Variants in ABCA13 observed in about 807,000 individuals in gnomAD.
ABCA13 encodes the protein ATP binding cassette subfamily A member 13.
ABCA13 carries 476 observed loss-of-function variants against 478.7 expected under a neutral mutation model. That is an observed-to-expected ratio of 0.99 (90% CI 0.92 to 1.07). The LOEUF (loss-of-function observed/expected upper bound fraction) is 1.07, where lower values mean the gene tolerates loss of function less well. Ranked by LOEUF, ABCA13 falls within the 50% of genes least tolerant of loss-of-function variation. The probability of loss-of-function intolerance (pLI) is 0.00; values close to 1 mark genes in which losing one functional copy is unlikely to be tolerated. For missense variants in ABCA13, 6,060 were observed against 5,910.6 expected (o/e 1.03, Z -0.83); for synonymous variants, 2,252 against 2,158.9 (o/e 1.04, Z -1.20).
At chr7:48,345,090 A>G (rs1425645744) in intron 29 of ABCA13, among the ~76,000 whole-genome samples, 2 of 152,188 alleles carry the variant, frequency 1.3e-5, no homozygotes, top group African/African-American at 4.8e-5. Context: ...CCTACTGCCT[A>G]GTGACTTTGT....
chr7:48,568,048 C>T (rs1418427497), intron 55 of ABCA13, among the ~76,000 whole-genome samples: 1 of 152,060 alleles, frequency 6.6e-6, no homozygotes, highest in Non-Finnish European at 1.5e-5. Flanking sequence ...CACATACTAT[C>T]AAACTTATAA....
At chr7:48,199,684 G>T (rs768906224) in intron 3 of ABCA13, among the ~76,000 whole-genome samples, 1 of 152,184 alleles carries the variant, frequency 6.6e-6, no homozygotes, top group Non-Finnish European at 1.5e-5. Context: ...ACCCTGAAAA[G>T]TTCAATGGTC....
chr7:48,385,241 C>T (rs1034280152), intron 35 of ABCA13, among the ~76,000 whole-genome samples: 13 of 152,108 alleles, frequency 8.5e-5, no homozygotes, highest in Admixed American at 2.6e-4. Flanking sequence ...TTGTCACCCA[C>T]GTATTGAGCC....
intron 58 of ABCA13, among the ~76,000 whole-genome samples, chr7:48,603,433 C>G (rs1300962325): frequency 6.6e-6 from 1 of 152,100 alleles, no homozygotes; most frequent in Non-Finnish European, 1.5e-5. Context: ...GAGTTTTTAG[C>G]ATGAAGGGCT....
intron 13 of ABCA13, among the ~76,000 whole-genome samples, chr7:48,246,324 C>T (rs1440220604): frequency 1.3e-5 from 2 of 148,990 alleles, no homozygotes; most frequent in Admixed American, 1.3e-4. Flanking sequence ...TCATTCTTGG[C>T]TGCACATGCT....
chr7:48,623,857 T>C (rs1052513571), intron 59 of ABCA13, among the ~76,000 whole-genome samples: 4 of 152,134 alleles, frequency 2.6e-5, no homozygotes, highest in African/African-American at 7.2e-5. Context: ...CCAAGGAAGA[T>C]AGGGATCATG....
chr7:48,455,585 A>G (rs1016448153), intron 43 of ABCA13, among the ~76,000 whole-genome samples: 3 of 152,208 alleles, frequency 2.0e-5, no homozygotes, highest in African/African-American at 7.2e-5. Context: ...GCCGACCTGC[A>G]GAGGGCCCAG....
At chr7:48,296,830 G>A (rs1376977555) in intron 21 of ABCA13, among the ~76,000 whole-genome samples, 3 of 152,166 alleles carry the variant, frequency 2.0e-5, no homozygotes, top group Non-Finnish European at 4.4e-5. Context: ...TAAAGCACCA[G>A]AAGGGGAAAT....
intron 3 of ABCA13, among the ~76,000 whole-genome samples, chr7:48,199,773 A>C (rs1562760636): frequency 6.6e-6 from 1 of 152,218 alleles, no homozygotes; most frequent in East Asian, 1.9e-4. Context: ...GAGACTTAGC[A>C]GTGTCTTTAT....
Position 48,296,007 on chromosome 7 carries a change from A to G in ABCA13, c.9119+144A>G, listed in dbSNP as rs151131307. On this transcript the variant is annotated intron_variant, in intron 21 of 61. Transcript: ENST00000435803. ...TATTAATATATATTTTCCAAACATC[A>G]AAGTTTTCCATGACAATTTTTGAGT... is the stretch of plus-strand genomic sequence containing the variant. 5.5e-5 allele frequency: 60 copies of G among 1,089,586 alleles called. No individual in the cohort carries two copies. In the African/African-American group the frequency reaches 9.2e-4, roughly 17 times the overall value. 67.5% of individuals were successfully genotyped at this position (1,089,586 alleles called of 1,614,324 possible). A position where few individuals can be genotyped will look rare whatever the true frequency, so the allele number is the denominator to read the frequency against.
intron 35 of ABCA13, among the ~76,000 whole-genome samples, chr7:48,383,181 G>A (rs1814657672): frequency 6.6e-6 from 1 of 152,186 alleles, no homozygotes; most frequent in Admixed American, 6.5e-5. Context: ...AGAAAACAAG[G>A]ATACAACTAA....
chr7:48,429,899 A>G (rs1821910603), intron 42 of ABCA13, among the ~76,000 whole-genome samples: 3 of 152,160 alleles, frequency 2.0e-5, no homozygotes, highest in South Asian at 4.1e-4. Flanking sequence ...TTCCTGGGAC[A>G]AATTCTACCC....
intron 30 of ABCA13, among the ~76,000 whole-genome samples, chr7:48,351,849 A>G (rs1027791652): frequency 1.3e-5 from 2 of 152,242 alleles, no homozygotes; most frequent in African/African-American, 2.4e-5. Context: ...GATTCTGCAC[A>G]TTGAGTTAAC....
At chr7:48,570,582 C>G (rs1033790624) in intron 55 of ABCA13, among the ~76,000 whole-genome samples, 1 of 151,946 alleles carries the variant, frequency 6.6e-6, no homozygotes, top group African/African-American at 2.4e-5. Context: ...CTCGGCCTCC[C>G]AAAGTGCTGG....
Position 48,448,691 on chromosome 7 carries a change from A to G in ABCA13, c.12566-6346A>G, listed in dbSNP as rs576350439. Among the ~76,000 whole-genome samples, 17 of 152,328 alleles carry G rather than the reference A, an allele frequency of 1.1e-4. 1 individual carries two copies. The South Asian group carries it at 3.5e-3, about 32-fold the overall frequency. On this transcript the variant is annotated intron_variant, in intron 42 of 61. Coordinates refer to ENST00000435803, the MANE Select transcript of ABCA13 (RefSeq NM_152701.5). The stretch of plus-strand genomic sequence containing the variant: ...CATTTGAAAAAGCAGTATGGTTGTT[A>G]TAAGAAATAAACAGATAAAGTATCA...
chr7:48,617,569 G>T (rs116746927), intron 59 of ABCA13, among the ~76,000 whole-genome samples: 25 of 152,134 alleles, frequency 1.6e-4, no homozygotes, highest in Non-Finnish European at 1.2e-4. Context: ...ACAGAGGGGG[G>T]ACCCAGAGGG....
At chr7:48,192,031 G>A (rs1329944268) in intron 1 of ABCA13, among the ~76,000 whole-genome samples, 1 of 152,120 alleles carries the variant, frequency 6.6e-6, no homozygotes, top group African/African-American at 2.4e-5. Context: ...CCTACTTTTT[G>A]TCTGGCTATA....
At chr7:48,504,903 A>T (rs953998141) in intron 48 of ABCA13, among the ~76,000 whole-genome samples, 8 of 152,212 alleles carry the variant, frequency 5.3e-5, no homozygotes, top group African/African-American at 1.9e-4. Context: ...CATGAGGTGT[A>T]GGCTAGAAAT....
At chr7:48,383,286 ACATGTGTG>A (rs1814677903) in intron 35 of ABCA13, among the ~76,000 whole-genome samples, 1 of 152,200 alleles carries the variant, frequency 6.6e-6, no homozygotes. Flanking sequence ...GTGTACATGT[ACATGTGTG>A]CATGTGCTGC....
Sources: gnomAD v4.1 joint callset for allele counts (sites outside exome capture counted in the v4.1 genomes callset) on GRCh38, gnomAD v4.1.1 for gene constraint, MANE v1.5 for transcripts, NCBI Gene and HGNC (gene_info 2026-07-23, HGNC 2026-07-21) for gene names.